IGSF6: variants seen among roughly 807,000 people sequenced by gnomAD.
The protein encoded by IGSF6 is immunoglobulin superfamily member 6, also known as down-regulated by activation (immunoglobulin superfamily).
A neutral mutation model predicts 24.7 loss-of-function variants in IGSF6; 23 were observed. That is an observed-to-expected ratio of 0.93 (90% CI 0.67 to 1.32). IGSF6 has a LOEUF of 1.32. Ranked by LOEUF, IGSF6 falls within the 40% of genes most tolerant of loss-of-function variation. IGSF6 has a pLI of 0.00. For missense variants in IGSF6, 295 were observed against 293.6 expected, an observed-to-expected ratio of 1.00 and a Z score of -0.04; for synonymous variants, 110 against 113.7, an observed-to-expected ratio of 0.97 and a Z score of 0.21.
chr16:21,646,495 T>C (rs1379155446), intron 2 of IGSF6: 6 of 158,242 alleles, frequency 3.8e-5, no homozygotes, highest in Non-Finnish European at 2.8e-5. Context: ...AGCTGATAGT[T>C]ACTCACCACA....
At chr16:21,642,887 AT>A (rs1024115372) in intron 5 of IGSF6, among the ~76,000 whole-genome samples, 186 bp downstream of exon 5, 1 of 152,148 alleles carries the variant, frequency 6.6e-6, no homozygotes. Flanking sequence ...GCTATTTAAT[AT>A]TGTATCAGAT....
intron 1 of IGSF6, among the ~76,000 whole-genome samples, chr16:21,649,631 CTCAAG>C (rs1443146725): frequency 6.6e-6 from 1 of 152,212 alleles, no homozygotes; most frequent in Non-Finnish European, 1.5e-5. Flanking sequence ...CTGTCTCAGT[CTCAAG>C]TCATCTTTCA....
Position 21,640,008 on chromosome 16 carries a change from A to C in IGSF6, c.*1526T>G, listed in dbSNP as rs1266007102. ...GGCTGGGGTGCAGTGGCGTGATCTCAGCTCACTGCAACCTCCGCATCCTGG... is the reference window on the plus strand; with the variant it reads ...GGCTGGGGTGCAGTGGCGTGATCTCCGCTCACTGCAACCTCCGCATCCTGG... On this transcript the variant is annotated 3_prime_UTR_variant, in exon 6 of 6. Transcript: ENST00000268389. 6.6e-6 allele frequency: 1 copy of C among 152,014 alleles called. No homozygotes were observed. The highest frequency in any genetic ancestry group is 1.5e-5 in the Non-Finnish European group (1 of 68,014). The allele number at this position is 152,014 out of a possible 1,614,324, so 9.4% of individuals were successfully genotyped here. A position where few individuals can be genotyped will look rare whatever the true frequency, so the allele number is the denominator to read the frequency against.
rs1376862296 is a variant in IGSF6, at chr16:21,643,075, G to T, written c.665C>A (p.Ser222Tyr). Residue 222 changes from serine (S) to tyrosine (Y), a missense_variant and splice_region_variant, in exon 5 of 6, where the codon TCT becomes TAT. By Grantham distance (144) the Ser-to-Tyr change is moderately radical. Transcript: ENST00000268389. ...HKRHVETNQQ[S>Y]EKDNNTYENR... ...TTTTTTTTGACATTTTACACTTACA[G>T]ATTGCTGATTTGTTTCCACATGTCT... The T allele has an allele frequency of 6.3e-7, 1 of 1,594,850 alleles. No individual in the cohort carries two copies. The highest frequency in any genetic ancestry group is 8.6e-7 in the Non-Finnish European group (1 of 1,166,026).
chr16:21,641,655 C>A, intron 5 of IGSF6, 62 bp from the exon 6 acceptor site: 2 of 1,039,256 alleles, frequency 1.9e-6, no homozygotes, highest in South Asian at 1.4e-5. Context: ...AGCCAACTGC[C>A]AAGGAACATG....
At position 21,644,270 on chromosome 16, in the gene IGSF6, T is replaced by C. The variant is rs1023727064; in HGVS notation, c.534+20A>G. On this transcript the variant is annotated intron_variant, in intron 3 of 5. Coordinates refer to ENST00000268389, the MANE Select transcript of IGSF6 (RefSeq NM_005849.4). ...TATTCAAGGATATAGGGACATTCCA[T>C]GCAAGAGGATTTGACTTACTTTGGA... 1.3e-6 allele frequency: 2 copies of C among 1,495,112 alleles called. No individual in the cohort carries two copies. Among genetic ancestry groups the C allele is most frequent in the African/African-American group, 1.4e-5 (1 of 72,786 alleles). The allele number at this position is 1,495,112 out of a possible 1,614,324, so 92.6% of individuals were successfully genotyped here.
intron 2 of IGSF6, chr16:21,646,817 G>A (rs1258539522): frequency 1.7e-5 from 6 of 357,896 alleles, no homozygotes; most frequent in South Asian, 4.4e-5. Flanking sequence ...CACCATGCGC[G>A]GCTAATTTTT....
intron 1 of IGSF6, among the ~76,000 whole-genome samples, chr16:21,651,165 G>A (rs1022455420): frequency 1.3e-5 from 2 of 152,206 alleles, no homozygotes; most frequent in African/African-American, 4.8e-5. Context: ...GGAGCTTGCA[G>A]TGAGCCGAGA....
In IGSF6 at chr16:21,639,575, T is replaced by C. The variant is rs1966193324; in HGVS notation, c.*1959A>G. 6.6e-6 allele frequency: 1 copy of C among 152,174 alleles called. No homozygotes were observed. Among genetic ancestry groups the C allele is most frequent in the African/African-American group, 2.4e-5 (1 of 41,412 alleles). 9.4% of individuals were successfully genotyped at this position (152,174 alleles called of 1,614,324 possible). ...TTTATTTTGGAATATGGCAGGAAAG[T>C]ATTAGCATTTTTTATTTATATTGCT... On this transcript the variant is annotated 3_prime_UTR_variant, in exon 6 of 6. Coordinates refer to ENST00000268389, the MANE Select transcript of IGSF6 (RefSeq NM_005849.4).
chr16:21,642,528 A>G (rs999764197), intron 5 of IGSF6: 6 of 152,256 alleles, frequency 3.9e-5, no homozygotes, highest in African/African-American at 1.4e-4. Flanking sequence ...TGTTTGAAGA[A>G]CCTGTTTATA....
intron 1 of IGSF6, 26 bp downstream of exon 1, chr16:21,652,506 A>G (rs544399390): frequency 4.5e-6 from 7 of 1,571,556 alleles, no homozygotes; most frequent in Non-Finnish European, 6.1e-6. Flanking sequence ...AAATAAAATG[A>G]AGGAGGAGAA....
At chr16:21,646,094 A>G (rs1204605915) in intron 2 of IGSF6, among the ~76,000 whole-genome samples, 3 of 152,062 alleles carry the variant, frequency 2.0e-5, no homozygotes, top group African/African-American at 7.2e-5. Flanking sequence ...CAACAAGGCG[A>G]GGAGTTGCTG....
intron 2 of IGSF6, among the ~76,000 whole-genome samples, chr16:21,646,120 C>T (rs1488082736): frequency 6.6e-6 from 1 of 151,290 alleles, no homozygotes; most frequent in African/African-American, 2.4e-5. Context: ...CTCTTTTTTC[C>T]TTCAGAATCA....
chr16:21,647,671 G>C (rs1402108606), intron 1 of IGSF6, among the ~76,000 whole-genome samples, 179 bp from the exon 2 acceptor site: 2 of 152,094 alleles, frequency 1.3e-5, no homozygotes, highest in African/African-American at 4.8e-5. Context: ...CCTGTTTTCT[G>C]ACCTTGACCT....
chr16:21,643,066 A>T lies in IGSF6; in HGVS notation c.666+8T>A. ...TATTTACATTTTTTTTTGACATTTT[A>T]CACTTACAGATTGCTGATTTGTTTC... is the stretch of plus-strand genomic sequence containing the variant. On this transcript the variant is annotated splice_region_variant and intron_variant, in intron 5 of 5. Transcript: ENST00000268389. 2 of 1,575,430 alleles carry T rather than the reference A, an allele frequency of 1.3e-6. No homozygotes were observed. Among genetic ancestry groups the T allele is most frequent in the Admixed American group, 1.7e-5 (1 of 58,684 alleles).
rs1966462101 is a variant in IGSF6 at position 21,647,480 on chromosome 16, G to A, written c.80C>T (p.Ala27Val). 4.3e-6 allele frequency: 7 copies of A among 1,610,652 alleles called. No homozygotes were observed. Among genetic ancestry groups the A allele is most frequent in the Non-Finnish European group, 5.9e-6 (7 of 1,177,130 alleles). The change falls in exon 2 of 6, where the codon GCC becomes GTC. Residue 27 changes from alanine (A) to valine (V), a missense_variant. Coordinates refer to ENST00000268389, the MANE Select transcript of IGSF6 (RefSeq NM_005849.4). ...CGGTTGTGTGACAGAGAGAGTACAG[G>A]CGCCCACAGCACCTGTGGGAGGAAG... ...LILFCVGAVG[A>V]CTLSVTQPWY...
intron 1 of IGSF6, among the ~76,000 whole-genome samples, chr16:21,647,702 T>C (rs1232490160): frequency 6.6e-6 from 1 of 152,128 alleles, no homozygotes; most frequent in Non-Finnish European, 1.5e-5. Flanking sequence ...ATGATGTCTG[T>C]TCACTGGAGG....
rs1476077762 is a variant in IGSF6 at position 21,641,611 on chromosome 16, TAGAA to T, written c.667-22_667-19del. 1.3e-6 allele frequency: 2 copies of T among 1,506,022 alleles called. No homozygotes were observed. The highest frequency in any genetic ancestry group is 1.8e-6 in the Non-Finnish European group (2 of 1,086,802). The allele number at this position is 1,506,022 out of a possible 1,614,324, so 93.3% of individuals were successfully genotyped here. A position where few individuals can be genotyped will look rare whatever the true frequency, so the allele number is the denominator to read the frequency against. On this transcript the variant is annotated intron_variant, in intron 5 of 5. Coordinates refer to ENST00000268389, the MANE Select transcript of IGSF6 (RefSeq NM_005849.4). ...TCTTTCTCCTGCAATAATAAATAAATAGAAAGCCATGTTTAAGGTTATGTAACCA... is the reference window on the plus strand; with the variant it reads ...TCTTTCTCCTGCAATAATAAATAAATAGCCATGTTTAAGGTTATGTAACCA...
chr16:21,646,550 T>C (rs1966434281), intron 2 of IGSF6: 1 of 180,234 alleles, frequency 5.5e-6, no homozygotes, highest in African/African-American at 2.4e-5. Flanking sequence ...CACTGTAATA[T>C]ACAAAAGAGG....
Sources: gnomAD v4.1 joint callset for allele counts (sites outside exome capture counted in the v4.1 genomes callset) on GRCh38, gnomAD v4.1.1 for gene constraint, MANE v1.5 for transcripts, NCBI Gene and HGNC (gene_info 2026-07-23, HGNC 2026-07-21) for gene names.